The following MMRN2 variants were observed in gnomAD, a reference collection of about 807,000 sequenced individuals.
The protein encoded by MMRN2 is multimerin 2, also known as multimerin-2.
In MMRN2, 53 loss-of-function variants were observed where a neutral mutation model predicts 68.8. The observed-to-expected ratio is 0.77, with a 90% CI of 0.62 to 0.97. The LOEUF is 0.97. Among genes scored for constraint, MMRN2 ranks in the 50% least tolerant of loss-of-function variants. The pLI, the probability that MMRN2 is intolerant of heterozygous loss-of-function variation, is 0.00. For synonymous variants in MMRN2, 564 were observed against 551.6 expected, an observed-to-expected ratio of 1.02 and a Z score of -0.32; for missense variants, 1,266 against 1,259.5, an observed-to-expected ratio of 1.01 and a Z score of -0.08.
chr10:86,950,753 A>G (rs10887680), intron 1 of MMRN2, among the ~76,000 whole-genome samples: 18,372 of 152,182 alleles, frequency 0.12, 1,203 homozygotes, highest in East Asian at 0.18. Context: ...AAGACACAGA[A>G]TAAGCAGAAG....
intron 6 of MMRN2, among the ~76,000 whole-genome samples, chr10:86,937,354 G>C (rs1193948227): frequency 6.6e-6 from 1 of 152,120 alleles, no homozygotes; most frequent in Non-Finnish European, 1.5e-5. Context: ...GTCTGAGCTG[G>C]TGTACATTTT....
chr10:86,945,658 C>T lies in MMRN2; in HGVS notation c.196G>A (p.Val66Ile). The T allele has an allele frequency of 6.2e-7, 1 of 1,614,050 alleles. No individual in the cohort carries two copies. The highest frequency in any genetic ancestry group is 8.5e-7 in the Non-Finnish European group (1 of 1,180,022). ...NWCPYPMSKL[V>I]TLLALCKTEK... ...GTTTTGCAAAGAGCTAGTAAGGTGA[C>T]CAGCTTGGACATTGGGTAGGGGCAC... Residue 66 changes from valine to isoleucine, a missense_variant, in exon 2 of 7, where the codon GTC becomes ATC. Coordinates refer to ENST00000372027, the MANE Select transcript of MMRN2 (RefSeq NM_024756.3).
intron 1 of MMRN2, among the ~76,000 whole-genome samples, chr10:86,948,101 C>T (rs768203703): frequency 5.9e-5 from 9 of 151,944 alleles, no homozygotes; most frequent in Non-Finnish European, 1.2e-4. Context: ...TGGCGCATGC[C>T]TGTAGTCCCA....
chr10:86,956,563 A>G (rs1349449674), intron 1 of MMRN2, among the ~76,000 whole-genome samples: 1 of 152,216 alleles, frequency 6.6e-6, no homozygotes, highest in Non-Finnish European at 1.5e-5. Context: ...AGAGTTCACT[A>G]TGAGCTCTGA....
At chr10:86,941,670 T>A (rs1041311253) in intron 6 of MMRN2, among the ~76,000 whole-genome samples, 2 of 151,756 alleles carry the variant, frequency 1.3e-5, no homozygotes, top group East Asian at 3.9e-4. Context: ...TGGTGACACA[T>A]GCCTGTAAGT....
At chr10:86,949,848 C>T (rs939927098) in intron 1 of MMRN2, 3 of 150,446 alleles carry the variant, frequency 2.0e-5, no homozygotes, top group African/African-American at 4.9e-5. Context: ...TGCACTCCAG[C>T]CTGGGTGACA....
rs775336947 is a variant in MMRN2 at position 86,943,461 on chromosome 10, C to G, written c.1323G>C (p.Thr441=). 6.2e-7 allele frequency: 1 copy of G among 1,614,168 alleles called. No individual in the cohort carries two copies. The highest frequency in any genetic ancestry group is 8.5e-7 in the Non-Finnish European group (1 of 1,180,026). The change falls in exon 6 of 7, where the codon ACG becomes ACC. Residue 441 remains threonine, a synonymous_variant. Coordinates refer to ENST00000372027, the MANE Select transcript of MMRN2 (RefSeq NM_024756.3). The surrounding 1 kb of genome is among the most constrained non-coding windows in gnomAD (Gnocchi z 4.2). ...RQVEELQVNH[T]ALRELRVILM... ...GGATCACGCGCAGCTCACGGAGCGC[C>G]GTGTGGTTCACCTGCAGCTCCTCCA...
intron 1 of MMRN2, among the ~76,000 whole-genome samples, chr10:86,952,333 G>A (rs1213985053): frequency 6.6e-6 from 1 of 152,212 alleles, no homozygotes; most frequent in Non-Finnish European, 1.5e-5. Flanking sequence ...AGCCACAGGT[G>A]TCATGCTTGC....
chr10:86,942,698 C>G lies in MMRN2; in HGVS notation c.2086G>C (p.Gly696Arg), dbSNP rs776827575. The G allele has an allele frequency of 3.9e-6, 6 of 1,550,814 alleles. No individual in the cohort carries two copies. The African/African-American group carries it at 4.1e-5, about 11-fold the overall frequency. ...AGGCTCTGGAGCTCCCGCGCCAGCCCGGCCAGGGCGGTGGTGGCGGCCTCC... is the reference window on the plus strand; with the variant it reads ...AGGCTCTGGAGCTCCCGCGCCAGCCGGGCCAGGGCGGTGGTGGCGGCCTCC... ...REEAATTALAGLARELQSLSN... is the reference protein window; with the variant it reads ...REEAATTALARLARELQSLSN... The change falls in exon 6 of 7, where the codon GGG becomes CGG. Residue 696 changes from glycine (G) to arginine (R), a missense_variant. Coordinates refer to ENST00000372027, the MANE Select transcript of MMRN2 (RefSeq NM_024756.3).
chr10:86,943,462 G>C lies in MMRN2; in HGVS notation c.1322C>G (p.Thr441Arg), dbSNP rs148010690. Residue 441 changes from threonine (T) to arginine (R), a missense_variant, in exon 6 of 7, where the codon ACG (threonine) becomes AGG (arginine). Transcript: ENST00000372027. This position sits in a 1 kb window ranked among gnomAD's most constrained non-coding sequence, Gnocchi z 4.2. ...GATCACGCGCAGCTCACGGAGCGCC[G>C]TGTGGTTCACCTGCAGCTCCTCCAC... ...RQVEELQVNH[T>R]ALRELRVILM... 3 of 1,614,006 alleles carry C rather than the reference G, an allele frequency of 1.9e-6. No homozygotes were observed. The highest frequency in any genetic ancestry group is 2.7e-5 in the African/African-American group (2 of 74,934).
chr10:86,946,863 G>A (rs1160201003), intron 1 of MMRN2, among the ~76,000 whole-genome samples: 1 of 152,182 alleles, frequency 6.6e-6, no homozygotes, highest in East Asian at 1.9e-4. Flanking sequence ...GGTGAGAAGT[G>A]CTAGGATCTG....
rs1181861042 is a variant in MMRN2, at chr10:86,936,532, G to T, written c.*211C>A. 7 of 623,250 alleles carry T rather than the reference G, an allele frequency of 1.1e-5. No homozygotes were observed. Among genetic ancestry groups the T allele is most frequent in the African/African-American group, 7.4e-5 (4 of 54,384 alleles). 38.6% of individuals were successfully genotyped at this position (623,250 alleles called of 1,614,324 possible). A position where few individuals can be genotyped will look rare whatever the true frequency, so the allele number is the denominator to read the frequency against. ...TTCAGGCTTCCTAGGACCATGTCCT[G>T]CCCGGAGAAGCATTCCAGTCCTTCT... is the stretch of plus-strand genomic sequence containing the variant. On this transcript the variant is annotated 3_prime_UTR_variant, in exon 7 of 7. Coordinates refer to ENST00000372027, the MANE Select transcript of MMRN2 (RefSeq NM_024756.3).
chr10:86,937,604 G>A lies in MMRN2; in HGVS notation c.2468-479C>T, dbSNP rs139448292. On this transcript the variant is annotated intron_variant, in intron 6 of 6. Coordinates refer to ENST00000372027, the MANE Select transcript of MMRN2 (RefSeq NM_024756.3). ...CCAGCCACAAAGCACTTTCTCGTTT[G>A]ATCCCTTTTCCTTCCAACTTCCTTG... is the stretch of plus-strand genomic sequence containing the variant. 3.0e-3 allele frequency among the ~76,000 whole-genome samples: 457 copies of A among 152,204 alleles called. 2 individuals are homozygous for A. The highest frequency in any genetic ancestry group is 0.01 in the African/African-American group (420 of 41,516).
At chr10:86,950,914 A>G (rs989022646) in intron 1 of MMRN2, among the ~76,000 whole-genome samples, 2 of 152,158 alleles carry the variant, frequency 1.3e-5, no homozygotes. Context: ...ATGCGTGCAC[A>G]TGCATTTGCT....
chr10:86,956,033 C>T (rs11591493), intron 1 of MMRN2, among the ~76,000 whole-genome samples: 37,738 of 152,056 alleles, frequency 0.25, 5,148 homozygotes, highest in South Asian at 0.33. Context: ...CCACCGGGTC[C>T]TCTCATCCTC....
intron 6 of MMRN2, among the ~76,000 whole-genome samples, chr10:86,941,008 C>G (rs1843957485): frequency 6.6e-6 from 1 of 152,216 alleles, no homozygotes. Context: ...GAACCGGCAC[C>G]CTAAAGACAG....
In MMRN2 at chr10:86,945,762, C is replaced by T. The variant is rs767650017; in HGVS notation, c.165-73G>A. 1.4e-5 allele frequency: 23 copies of T among 1,604,332 alleles called. No homozygotes were observed. In the Middle Eastern group the frequency reaches 7.0e-4, roughly 49 times the overall value. ...ACAGGGGGTGCCAGTGCAGAGCCAC[C>T]GGTCCTCGCCTCCTGCCGGAGCAGT... On this transcript the variant is annotated intron_variant, in intron 1 of 6. Transcript: ENST00000372027.
rs1041975615 is a variant in MMRN2, at chr10:86,943,054, G to T, written c.1730C>A (p.Ala577Glu). 7.2e-7 allele frequency: 1 copy of T among 1,385,678 alleles called. No homozygotes were observed. The highest frequency in any genetic ancestry group is 1.6e-5 in the South Asian group (1 of 64,260). The allele number at this position is 1,385,678 out of a possible 1,614,324, so 85.8% of individuals were successfully genotyped here. A position where few individuals can be genotyped will look rare whatever the true frequency, so the allele number is the denominator to read the frequency against. Reference sequence around the variant, plus strand: ...GGCCTCGGCCGCGGCCGCCTTCAGCGCGCCCACCTCGTCATCCAGCGCCTG... The same window carrying T: ...GGCCTCGGCCGCGGCCGCCTTCAGCTCGCCCACCTCGTCATCCAGCGCCTG... The part of the protein sequence containing the change: ...QVQALDDEVG[A>E]LKAAAAEARH... The change falls in exon 6 of 7, where the codon GCG becomes GAG. Residue 577 changes from alanine (A) to glutamate (E), a missense_variant. By Grantham distance (107) the Ala-to-Glu change is moderately radical. Transcript: ENST00000372027. The surrounding 1 kb of genome is among the most constrained non-coding windows in gnomAD (Gnocchi z 4.2).
chr10:86,940,662 A>G (rs1352054533), intron 6 of MMRN2, among the ~76,000 whole-genome samples: 1 of 152,244 alleles, frequency 6.6e-6, no homozygotes, highest in Non-Finnish European at 1.5e-5. Context: ...CCACTGCTCC[A>G]CATTGCCTCT....
Sources: gnomAD v4.1 joint callset for allele counts (sites outside exome capture counted in the v4.1 genomes callset) on GRCh38, gnomAD v4.1.1 for gene constraint, Gnocchi (gnomAD v3.1) non-coding constraint, MANE v1.5 for transcripts, NCBI Gene and HGNC (gene_info 2026-07-23, HGNC 2026-07-21) for gene names.